ABI2: variants seen among roughly 807,000 people sequenced by gnomAD.
ABI2 encodes the protein abelson interactor 2.
ABI2 carries 25 observed loss-of-function variants against 59.2 expected under a neutral mutation model. The observed-to-expected ratio is 0.42, with a 90% CI of 0.31 to 0.59. The LOEUF is 0.59. ABI2 is among the 20% of genes least tolerant of loss of function. ABI2 has a pLI of 0.14. For missense variants in ABI2, 545 were observed against 681.8 expected (o/e 0.80, Z 2.23); for synonymous variants, 213 against 235.5 (o/e 0.90, Z 0.87).
At chr2:203,383,812 A>C (rs1414861993) in intron 4 of ABI2, among the ~76,000 whole-genome samples, 1 of 152,170 alleles carries the variant, frequency 6.6e-6, no homozygotes, top group Non-Finnish European at 1.5e-5. Flanking sequence ...TAGCTGATTA[A>C]ATGTTCAAAA....
intron 4 of ABI2, among the ~76,000 whole-genome samples, chr2:203,382,775 T>C (rs906198191): frequency 1.1e-4 from 17 of 152,074 alleles, no homozygotes; most frequent in Non-Finnish European, 5.9e-5. Context: ...TGCAGTATCA[T>C]ATTTTGTAGA....
intron 10 of ABI2, among the ~76,000 whole-genome samples, chr2:203,414,541 T>C (rs2153531968): frequency 6.6e-6 from 1 of 152,374 alleles, no homozygotes; most frequent in East Asian, 1.9e-4. Flanking sequence ...TGGTTTATGC[T>C]GTGTGCTTCT....
intron 9 of ABI2, among the ~76,000 whole-genome samples, chr2:203,406,943 A>G (rs2097451723): frequency 6.6e-6 from 1 of 152,048 alleles, no homozygotes; most frequent in Non-Finnish European, 1.5e-5. Context: ...CCCAAATTCT[A>G]CTTTTCTCCA....
chr2:203,345,403 C>T (rs368490570), intron 1 of ABI2, among the ~76,000 whole-genome samples: 2 of 152,040 alleles, frequency 1.3e-5, no homozygotes, highest in African/African-American at 2.4e-5. Flanking sequence ...ACATTCACGG[C>T]GAGGGTCCAC....
rs893790586 is a variant in ABI2 at position 203,404,475 on chromosome 2, A to G, written c.1192+1741A>G. ...TTTGACAAAACTGCCCTTTTTATAC[A>G]TTTGCCTTTTAAACCATGTTTTCAA... On this transcript the variant is annotated intron_variant, in intron 9 of 11. Coordinates refer to ENST00000261018, the MANE Select transcript of ABI2 (RefSeq NM_001375670.1). 3.9e-5 allele frequency among the ~76,000 whole-genome samples: 6 copies of G among 152,138 alleles called. No individual in the cohort carries two copies. The East Asian group carries it at 7.7e-4, about 20-fold the overall frequency.
chr2:203,343,179 C>G (rs1219284294), intron 1 of ABI2, among the ~76,000 whole-genome samples: 1 of 152,072 alleles, frequency 6.6e-6, no homozygotes, highest in Non-Finnish European at 1.5e-5. Flanking sequence ...GCCTGGCCAA[C>G]ATGGTGAAAC....
intron 5 of ABI2, 113 bp from the exon 6 acceptor site, chr2:203,394,587 A>G: frequency 3.7e-6 from 4 of 1,087,458 alleles, no homozygotes; most frequent in Non-Finnish European, 5.3e-6. Context: ...GGTTATGTTA[A>G]AACACATTTC....
At chr2:203,349,194 G>C (rs1054445092) in intron 1 of ABI2, among the ~76,000 whole-genome samples, 11 of 151,660 alleles carry the variant, frequency 7.3e-5, no homozygotes, top group Non-Finnish European at 8.8e-5. Flanking sequence ...TGCCTGCCTT[G>C]GCTTCCCAAA....
chr2:203,362,862 C>T (rs1306459584), intron 1 of ABI2, among the ~76,000 whole-genome samples: 1 of 152,058 alleles, frequency 6.6e-6, no homozygotes, highest in Non-Finnish European at 1.5e-5. Flanking sequence ...GAGATGGTCT[C>T]ACTCTGTTGC....
chr2:203,397,440 T>C (rs2097050359), intron 8 of ABI2, among the ~76,000 whole-genome samples: 1 of 152,198 alleles, frequency 6.6e-6, no homozygotes, highest in African/African-American at 2.4e-5. Context: ...TCATAGACAA[T>C]GGACTTTTAA....
intron 1 of ABI2, among the ~76,000 whole-genome samples, chr2:203,346,276 A>G (rs970033400): frequency 6.6e-6 from 1 of 152,206 alleles, no homozygotes; most frequent in Admixed American, 6.5e-5. Context: ...AGATAGATCT[A>G]CCGGATGCTA....
In ABI2 at chr2:203,366,927, A is replaced by G. The variant is rs1472181860; in HGVS notation, c.168A>G (p.Gln56=). ...ALEETKAYTT[Q]SLASVAYLIN... Reference sequence around the variant, plus strand: ...AAGAAACCAAAGCCTACACCACCCAATCCTTAGCAAGTGTTGCCTATCTGA... The same window carrying G: ...AAGAAACCAAAGCCTACACCACCCAGTCCTTAGCAAGTGTTGCCTATCTGA... The change falls in exon 2 of 12, where the codon CAA becomes CAG. Residue 56 remains glutamine, a synonymous_variant. Coordinates refer to ENST00000261018, the MANE Select transcript of ABI2 (RefSeq NM_001375670.1). 7.4e-6 allele frequency: 12 copies of G among 1,612,946 alleles called. No individual in the cohort carries two copies. The highest frequency in any genetic ancestry group is 1.3e-5 in the African/African-American group (1 of 74,878).
chr2:203,371,919 TTTTTA>T (rs1354893338), intron 2 of ABI2, among the ~76,000 whole-genome samples: 1 of 151,784 alleles, frequency 6.6e-6, no homozygotes, highest in Non-Finnish European at 1.5e-5. Flanking sequence ...TTTCTTTTTA[TTTTTA>T]TTTTATTTAT....
intron 4 of ABI2, among the ~76,000 whole-genome samples, chr2:203,388,046 T>C (rs991653321): frequency 5.3e-5 from 8 of 152,220 alleles, no homozygotes; most frequent in African/African-American, 1.9e-4. Context: ...ACTTTAATTA[T>C]AATATAGATT....
intron 1 of ABI2, among the ~76,000 whole-genome samples, chr2:203,351,121 G>A (rs536946447): frequency 1.6e-4 from 25 of 152,064 alleles, no homozygotes; most frequent in African/African-American, 5.5e-4. Context: ...TCTTTCCCTC[G>A]TTAAATTGTT....
intron 2 of ABI2, among the ~76,000 whole-genome samples, chr2:203,376,829 G>A (rs137954280): frequency 6.9e-6 from 1 of 145,664 alleles, no homozygotes; most frequent in East Asian, 2.1e-4. Flanking sequence ...ATATGTAAAT[G>A]TCCCCAATCC....
At chr2:203,415,029 T>C (rs527924099) in intron 10 of ABI2, among the ~76,000 whole-genome samples, 1 of 152,364 alleles carries the variant, frequency 6.6e-6, no homozygotes, top group African/African-American at 2.4e-5. Context: ...GTTATTGTTT[T>C]GAAAGTTCCT....
chr2:203,430,539 T>C lies in ABI2; in HGVS notation c.*3187T>C, dbSNP rs2098475117. On this transcript the variant is annotated 3_prime_UTR_variant, in exon 12 of 12. Coordinates refer to ENST00000261018, the MANE Select transcript of ABI2 (RefSeq NM_001375670.1). ...AAATCAGAAACAAAAATAGTGCCAA[T>C]GTGTCAAAATCGACATCTGAGAGAT... 6.6e-6 allele frequency: 1 copy of C among 152,212 alleles called. No individual in the cohort carries two copies. Among genetic ancestry groups the C allele is most frequent in the South Asian group, 2.1e-4 (1 of 4,838 alleles). The allele number at this position is 152,212 out of a possible 1,614,324, so 9.4% of individuals were successfully genotyped here. A position where few individuals can be genotyped will look rare whatever the true frequency, so the allele number is the denominator to read the frequency against.
chr2:203,330,684 G>A (rs1298525685), intron 1 of ABI2, among the ~76,000 whole-genome samples: 1 of 152,208 alleles, frequency 6.6e-6, no homozygotes, highest in African/African-American at 2.4e-5. Flanking sequence ...TGGGGAAAGA[G>A]TTGCAGGTCA....
Sources: allele counts gnomAD v4.1 joint callset (sites outside exome capture counted in the v4.1 genomes callset), GRCh38; gene constraint gnomAD v4.1.1; transcripts MANE v1.5; gene names NCBI Gene and HGNC (gene_info 2026-07-23, HGNC 2026-07-21).